SPATA21: variants seen among roughly 807,000 people sequenced by gnomAD.
SPATA21 encodes the protein spermatogenesis associated 21.
In SPATA21, 47 loss-of-function variants were observed where a neutral mutation model predicts 54.8. That is an observed-to-expected ratio of 0.86 (90% CI 0.68 to 1.09). The LOEUF is 1.09. SPATA21 is among the 50% of genes least tolerant of loss of function. The pLI, the probability that SPATA21 is intolerant of heterozygous loss-of-function variation, is 0.00. For synonymous variants in SPATA21, 245 were observed against 235.3 expected, an observed-to-expected ratio of 1.04 and a Z score of -0.38; for missense variants, 599 against 596.4, an observed-to-expected ratio of 1.00 and a Z score of -0.05.
chr1:16,418,374 C>A (rs552904243), intron 5 of SPATA21, among the ~76,000 whole-genome samples: 1 of 152,094 alleles, frequency 6.6e-6, no homozygotes, highest in African/African-American at 2.4e-5. Flanking sequence ...TGGGTTCATG[C>A]CATTCTCCTG....
At chr1:16,425,446 G>C in intron 3 of SPATA21, 1 of 1,422,538 alleles carries the variant, frequency 7.0e-7, no homozygotes, top group African/African-American at 1.4e-5. Context: ...AGAATGGGGG[G>C]CATGATAGGA....
intron 1 of SPATA21, among the ~76,000 whole-genome samples, chr1:16,436,765 CA>C (rs1220276871): frequency 6.9e-6 from 1 of 144,566 alleles, no homozygotes. Flanking sequence ...GACTCCGTCT[CA>C]AAAAAAATTA....
chr1:16,412,237 T>C (rs151176763), intron 5 of SPATA21, among the ~76,000 whole-genome samples: 2 of 152,196 alleles, frequency 1.3e-5, no homozygotes, highest in East Asian at 3.9e-4. Flanking sequence ...GACTCCATTT[T>C]CCTCACATTT....
At chr1:16,405,545 C>A (rs888480150) in intron 7 of SPATA21, among the ~76,000 whole-genome samples, 2 of 150,254 alleles carry the variant, frequency 1.3e-5, no homozygotes, top group Non-Finnish European at 3.0e-5. Flanking sequence ...CCTGTAGTCC[C>A]AGCTACTGGG....
chr1:16,399,589 C>A, intron 11 of SPATA21, 68 bp from the exon 12 acceptor site: 1 of 1,527,088 alleles, frequency 6.5e-7, no homozygotes, highest in South Asian at 1.2e-5. Context: ...CAGGCAGATT[C>A]AAGTGAAATC....
intron 8 of SPATA21, among the ~76,000 whole-genome samples, chr1:16,404,243 G>T (rs977931764): frequency 6.6e-6 from 1 of 152,180 alleles, no homozygotes; most frequent in Non-Finnish European, 1.5e-5. Flanking sequence ...GCCGAGGTGC[G>T]TGGATCACCT....
chr1:16,425,736 G>A (rs754037507), intron 3 of SPATA21: 228 of 1,546,360 alleles, frequency 1.5e-4, no homozygotes, highest in Non-Finnish European at 2.0e-4. Context: ...TTCTTCCTGG[G>A]GAAAATAGAC....
At chr1:16,407,108 A>G (rs2085667253) in intron 7 of SPATA21, among the ~76,000 whole-genome samples, 1 of 152,242 alleles carries the variant, frequency 6.6e-6, no homozygotes, top group Non-Finnish European at 1.5e-5. Flanking sequence ...CTGGCACACA[A>G]TAGCCTCTGT....
chr1:16,410,331 G>T (rs2085803435), intron 5 of SPATA21, among the ~76,000 whole-genome samples: 2 of 151,740 alleles, frequency 1.3e-5, no homozygotes, highest in South Asian at 4.2e-4. Context: ...TTGCAGCCTT[G>T]ACCTTCCAGG....
chr1:16,427,447 GAA>G (rs2086352566), intron 3 of SPATA21, among the ~76,000 whole-genome samples: 3 of 152,082 alleles, frequency 2.0e-5, no homozygotes, highest in East Asian at 3.9e-4. Flanking sequence ...TCTTGCTGTA[GAA>G]AAGTTTTAAA....
intron 5 of SPATA21, among the ~76,000 whole-genome samples, chr1:16,420,265 C>T (rs1444368535): frequency 6.6e-6 from 1 of 151,692 alleles, no homozygotes; most frequent in Non-Finnish European, 1.5e-5. Flanking sequence ...ATGGAGACCC[C>T]GATAAAAGCT....
chr1:16,409,240 G>A lies in SPATA21; in HGVS notation c.588-37C>T, dbSNP rs1186523486. The A allele has an allele frequency of 1.9e-6, 3 of 1,611,522 alleles. No homozygotes were observed. The highest frequency in any genetic ancestry group is 1.7e-6 in the Non-Finnish European group (2 of 1,178,372). ...AGAACCCCGACCCAGGGCAACATCC[G>A]GCCGCCCACCCTGCTGATAGCTAGG... is the stretch of plus-strand genomic sequence containing the variant. On this transcript the variant is annotated intron_variant, in intron 6 of 12. Coordinates refer to ENST00000335496, the MANE Select transcript of SPATA21 (RefSeq NM_198546.1). This position sits in a 1 kb window ranked among gnomAD's most constrained non-coding sequence, Gnocchi z 4.1.
intron 7 of SPATA21, 116 bp from the exon 8 acceptor site, chr1:16,405,220 T>G: frequency 7.0e-7 from 1 of 1,429,400 alleles, no homozygotes; most frequent in Non-Finnish European, 9.2e-7. Context: ...AAAATAAAAT[T>G]GCTGGGTGCG....
rs145172801 is a variant in SPATA21, at chr1:16,421,529, G to A, written c.124C>T (p.Pro42Ser). ...CTTACTGGTGGAGGAAGAGGCCCCGGTGCTGGGTGGGTCTCCACAGCCTCA... is the reference window on the plus strand; with the variant it reads ...CTTACTGGTGGAGGAAGAGGCCCCGATGCTGGGTGGGTCTCCACAGCCTCA... ...GGEAVETHPA[P>S]GPLPPPEVRD... The change falls in exon 5 of 13, where the codon CCG (proline) becomes TCG (serine). Residue 42 changes from proline to serine, a missense_variant. Pro to Ser is a moderately conservative substitution (Grantham distance 74). Transcript: ENST00000335496. The surrounding 1 kb of genome is among the most constrained non-coding windows in gnomAD (Gnocchi z 5.2). 2.5e-6 allele frequency: 4 copies of A among 1,613,572 alleles called. No individual in the cohort carries two copies. The highest frequency in any genetic ancestry group is 3.4e-6 in the Non-Finnish European group (4 of 1,179,876).
chr1:16,407,926 C>T (rs982423944), intron 7 of SPATA21, among the ~76,000 whole-genome samples: 15 of 152,154 alleles, frequency 9.9e-5, no homozygotes, highest in South Asian at 6.2e-4. Flanking sequence ...CTACCATGTC[C>T]GGCTAATTTT....
chr1:16,425,202 A>T (rs1180469631), intron 3 of SPATA21: 3 of 507,980 alleles, frequency 5.9e-6, no homozygotes, highest in Non-Finnish European at 1.1e-5. Context: ...GTGAGCCACC[A>T]TGCCCGGCCT....
intron 3 of SPATA21, among the ~76,000 whole-genome samples, chr1:16,426,579 A>ATATATATATATATATTTT (rs1401259793): frequency 9.3e-6 from 1 of 107,154 alleles, no homozygotes; most frequent in East Asian, 3.4e-4. Context: ...ATATATATAT[A>ATATATATATATATATTTT]TTTTTTTTTT....
intron 3 of SPATA21, chr1:16,425,650 C>G (rs1464862650): frequency 1.3e-6 from 2 of 1,550,280 alleles, no homozygotes; most frequent in Non-Finnish European, 1.7e-6. Context: ...CCCAGGAAGG[C>G]AGCAACCCCA....
In SPATA21 at chr1:16,405,015, C is replaced by T. The variant is rs525409; in HGVS notation, c.763G>A (p.Val255Met). ...KNILLLMGFS[V>M]TLAQVEDALM... ...GCGTCCTCCACCTGGGCCAGCGTCA[C>T]AGAGAAGCCCATTAGGAGCAGGATA... The change falls in exon 8 of 13, where the codon GTG becomes ATG. Residue 255 changes from valine (V) to methionine (M), a missense_variant. Coordinates refer to ENST00000335496, the MANE Select transcript of SPATA21 (RefSeq NM_198546.1). 1 of 1,607,844 alleles carries T rather than the reference C, an allele frequency of 6.2e-7. No homozygotes were observed. The highest frequency in any genetic ancestry group is 8.5e-7 in the Non-Finnish European group (1 of 1,178,136).
Sources: allele counts gnomAD v4.1 joint callset (sites outside exome capture counted in the v4.1 genomes callset), GRCh38; gene constraint gnomAD v4.1.1; non-coding constraint Gnocchi (gnomAD v3.1); transcripts MANE v1.5; gene names NCBI Gene and HGNC (gene_info 2026-07-23, HGNC 2026-07-21).